LYN: variants seen among roughly 807,000 people sequenced by gnomAD.
LYN encodes LYN proto-oncogene, Src family tyrosine kinase.
Under a neutral mutation model 65.0 loss-of-function variants are expected in LYN, and 12 were observed. That is an observed-to-expected ratio of 0.18 (90% confidence interval 0.12 to 0.30). The LOEUF is 0.30. Among genes scored for constraint, LYN ranks in the 10% least tolerant of loss-of-function variants. The pLI, the probability that LYN is intolerant of heterozygous loss-of-function variation, is 1.00. For synonymous variants in LYN, 222 were observed against 221.2 expected (o/e 1.00, Z -0.03); for missense variants, 380 against 623.2 (o/e 0.61, Z 4.16).
At chr8:55,996,063 A>T (rs946925640) in intron 10 of LYN, among the ~76,000 whole-genome samples, 2 of 152,216 alleles carry the variant, frequency 1.3e-5, no homozygotes, top group South Asian at 2.1e-4. Flanking sequence ...GAAGGCTCCA[A>T]TGTATACAAG....
At chr8:55,964,063 T>A (rs1214920942) in intron 8 of LYN, among the ~76,000 whole-genome samples, 1 of 152,234 alleles carries the variant, frequency 6.6e-6, no homozygotes, top group Admixed American at 6.5e-5. Flanking sequence ...CTTGTAATTA[T>A]GCATTTAGAT....
chr8:55,940,456 C>T (rs2130471144), intron 1 of LYN: 1 of 152,338 alleles, frequency 6.6e-6, no homozygotes, highest in Admixed American at 6.5e-5. Context: ...GCTCACTGCA[C>T]CCTCCCCGGG....
chr8:55,989,958 G>T (rs1356732554), intron 10 of LYN, among the ~76,000 whole-genome samples: 1 of 152,182 alleles, frequency 6.6e-6, no homozygotes, highest in African/African-American at 2.4e-5. Flanking sequence ...TTCCTGATTG[G>T]CCAGGCACAG....
intron 10 of LYN, among the ~76,000 whole-genome samples, chr8:55,977,418 C>G (rs138539872): frequency 6.3e-4 from 96 of 152,322 alleles, no homozygotes; most frequent in African/African-American, 2.2e-3. Flanking sequence ...CATGTTACCT[C>G]TGTTCTCCCC....
intron 10 of LYN, among the ~76,000 whole-genome samples, chr8:55,979,106 G>GT (rs1351163078): frequency 1.5e-5 from 2 of 135,214 alleles, no homozygotes; most frequent in African/African-American, 5.6e-5. Context: ...CCACGGTGGA[G>GT]TGCAATGGTG....
intron 1 of LYN, among the ~76,000 whole-genome samples, chr8:55,893,244 G>A (rs1275768153): frequency 1.3e-5 from 2 of 152,158 alleles, no homozygotes. Flanking sequence ...CCATTAATTA[G>A]TAAAATTAGC....
At chr8:55,907,520 G>A (rs1465687348) in intron 1 of LYN, among the ~76,000 whole-genome samples, 1 of 152,174 alleles carries the variant, frequency 6.6e-6, no homozygotes, top group Non-Finnish European at 1.5e-5. Flanking sequence ...CAGAACTGAT[G>A]TCAGCACAGT....
At chr8:55,970,045 T>C (rs571664528) in intron 10 of LYN, among the ~76,000 whole-genome samples, 1 of 152,268 alleles carries the variant, frequency 6.6e-6, no homozygotes, top group Non-Finnish European at 1.5e-5. Flanking sequence ...TTTATGTTCA[T>C]TTCATAAGTC....
intron 1 of LYN, among the ~76,000 whole-genome samples, chr8:55,933,512 C>G (rs1013969648): frequency 6.6e-6 from 1 of 152,194 alleles, no homozygotes; most frequent in Non-Finnish European, 1.5e-5. Context: ...GAAGTGTGTA[C>G]ATTCTAACGG....
At chr8:55,941,743 A>G in intron 1 of LYN, 112 bp from the exon 2 acceptor site, 1 of 701,560 alleles carries the variant, frequency 1.4e-6, no homozygotes, top group Non-Finnish European at 2.3e-6. Flanking sequence ...TAATCTATAT[A>G]TGATAAAGAA....
intron 1 of LYN, among the ~76,000 whole-genome samples, chr8:55,914,807 C>A (rs767579206): frequency 5.7e-4 from 87 of 152,184 alleles, no homozygotes; most frequent in Admixed American, 2.6e-4. Flanking sequence ...TCACTCCCAC[C>A]CCTCCTGTTC....
intron 1 of LYN, among the ~76,000 whole-genome samples, chr8:55,890,117 C>CAAAAAA (rs34706733): frequency 4.8e-4 from 38 of 79,008 alleles, no homozygotes; most frequent in Non-Finnish European, 5.1e-4. Context: ...CCTCTATAGA[C>CAAAAAA]AAAAAAAAAA....
chr8:55,902,611 A>C lies in LYN; in HGVS notation c.-6+22508A>C, dbSNP rs1352838046. Reference sequence around the variant, plus strand: ...AATCAATATATAGCATACAAAAAAAAAACAACAACAACAGTAGTCCTATGA... The same window carrying C: ...AATCAATATATAGCATACAAAAAAACAACAACAACAACAGTAGTCCTATGA... On this transcript the variant is annotated intron_variant, in intron 1 of 12. Transcript: ENST00000519728. 1.8e-4 allele frequency: 61 copies of C among 330,132 alleles called. 2 individuals carry two copies. Among genetic ancestry groups the C allele is most frequent in the Non-Finnish European group, 2.7e-4 (45 of 167,964 alleles). The allele number at this position is 330,132 out of a possible 1,614,324, so 20.5% of individuals were successfully genotyped here. A position where few individuals can be genotyped will look rare whatever the true frequency, so the allele number is the denominator to read the frequency against.
At chr8:55,906,022 T>A (rs1282584585) in intron 1 of LYN, among the ~76,000 whole-genome samples, 1 of 152,226 alleles carries the variant, frequency 6.6e-6, no homozygotes, top group Non-Finnish European at 1.5e-5. Flanking sequence ...TTTTGTGTTG[T>A]TGCTTTTCTT....
intron 1 of LYN, among the ~76,000 whole-genome samples, chr8:55,915,669 G>A (rs567890762): frequency 2.0e-5 from 3 of 152,280 alleles, no homozygotes; most frequent in East Asian, 1.9e-4. Context: ...TTGTGCCATT[G>A]CACTCCAGCC....
chr8:55,909,984 T>C, intron 1 of LYN, among the ~76,000 whole-genome samples: 1 of 90,550 alleles, frequency 1.1e-5, no homozygotes, highest in Non-Finnish European at 2.3e-5. Context: ...TGTGTGTGTG[T>C]GTGTGTGTCT....
intron 10 of LYN, among the ~76,000 whole-genome samples, chr8:55,982,077 G>A (rs1488086700): frequency 6.6e-6 from 1 of 152,190 alleles, no homozygotes; most frequent in East Asian, 1.9e-4. Context: ...GGCAGAGGTT[G>A]ATGCTAGAGT....
chr8:55,953,748 G>A, intron 7 of LYN, 84 bp from the exon 8 acceptor site: 1 of 1,281,446 alleles, frequency 7.8e-7, no homozygotes, highest in Non-Finnish European at 1.1e-6. Context: ...ACACTATAAG[G>A]CTAGTGTTCA....
At chr8:55,965,043 T>TA (rs1459022294) in intron 8 of LYN, among the ~76,000 whole-genome samples, 2 of 151,594 alleles carry the variant, frequency 1.3e-5, no homozygotes, top group Non-Finnish European at 2.9e-5. Context: ...ATTTTTTTTT[T>TA]AACATTTCCA....
Sources: allele counts gnomAD v4.1 joint callset (sites outside exome capture counted in the v4.1 genomes callset), GRCh38; gene constraint gnomAD v4.1.1; transcripts MANE v1.5; gene names NCBI Gene and HGNC (gene_info 2026-07-23, HGNC 2026-07-21).